Variants in ATRNL1 observed in about 807,000 individuals in gnomAD.
ATRNL1 encodes attractin-like protein 1.
Under a neutral mutation model 182.7 loss-of-function variants are expected in ATRNL1, and 95 were observed. The ratio of observed to expected loss-of-function variants is 0.52; its 90% CI spans 0.44 to 0.62. The LOEUF is 0.62. Among genes scored for constraint, ATRNL1 ranks in the 20% least tolerant of loss-of-function variants. The probability of loss-of-function intolerance (pLI) is 0.00; values close to 1 mark genes in which losing one functional copy is unlikely to be tolerated. For synonymous variants in ATRNL1, 576 were observed against 568.3 expected, an observed-to-expected ratio of 1.01 and a Z score of -0.19; for missense variants, 1,471 against 1,679.5, an observed-to-expected ratio of 0.88 and a Z score of 2.17.
rs1050900587 is a variant in ATRNL1 at position 115,499,368 on chromosome 10, G to A, written c.3655-19895G>A. On this transcript the variant is annotated intron_variant, in intron 24 of 28. Transcript: ENST00000355044. The stretch of plus-strand genomic sequence containing the variant: ...GTTTTCTAGTACAGCTTGACCTTTA[G>A]CTAAAATGAAACTATTTTAAGAGTT... Among the ~76,000 whole-genome samples the A allele has an allele frequency of 5.3e-5, 8 of 152,278 alleles. No homozygotes were observed. In the South Asian group the frequency reaches 1.7e-3, roughly 32 times the overall value.
At chr10:115,852,029 AAATGAT>A (rs1555100658) in intron 28 of ATRNL1, among the ~76,000 whole-genome samples, 1 of 152,216 alleles carries the variant, frequency 6.6e-6, no homozygotes, top group African/African-American at 2.4e-5. Flanking sequence ...CATAAATTGA[AAATGAT>A]AATGATTGCT....
rs374201082 is a variant in ATRNL1 at position 115,812,901 on chromosome 10, C to T, written c.3904-34976C>T. Among the ~76,000 whole-genome samples, 9 of 152,158 alleles carry T rather than the reference C, an allele frequency of 5.9e-5. No homozygotes were observed. In the South Asian group the frequency reaches 1.2e-3, roughly 21 times the overall value. ...TAGAGTAGGTGCCTTTCCCTACTTT[C>T]GCTTCACTGTCCCTAGAATTAATAG... On this transcript the variant is annotated intron_variant, in intron 27 of 28. Coordinates refer to ENST00000355044, the MANE Select transcript of ATRNL1 (RefSeq NM_207303.4).
intron 5 of ATRNL1, among the ~76,000 whole-genome samples, chr10:115,159,761 A>G (rs1846691005): frequency 6.6e-6 from 1 of 151,736 alleles, no homozygotes. Flanking sequence ...GTAGCATACT[A>G]AAATAAATCT....
intron 19 of ATRNL1, among the ~76,000 whole-genome samples, chr10:115,380,718 A>G (rs1345035346): frequency 2.6e-5 from 4 of 152,148 alleles, no homozygotes; most frequent in African/African-American, 9.7e-5. Context: ...ACTAATTTTT[A>G]TTGCCAGACA....
chr10:115,197,740 C>T (rs906257600), intron 8 of ATRNL1, among the ~76,000 whole-genome samples: 2 of 152,064 alleles, frequency 1.3e-5, no homozygotes, highest in Admixed American at 6.6e-5. Context: ...TTGGCTCCCC[C>T]TAAACACAAG....
At chr10:115,394,580 G>T (rs1358500099) in intron 19 of ATRNL1, 79 bp from the exon 20 acceptor site, 5 of 1,091,952 alleles carry the variant, frequency 4.6e-6, no homozygotes, top group Non-Finnish European at 7.0e-6. Flanking sequence ...TAAAAATAAG[G>T]TAATAATAAT....
intron 21 of ATRNL1, among the ~76,000 whole-genome samples, chr10:115,431,518 T>C (rs1554963964): frequency 1.3e-5 from 2 of 152,186 alleles, no homozygotes; most frequent in Non-Finnish European, 2.9e-5. Flanking sequence ...GGTTGCTTAT[T>C]GCTACAGTTC....
At position 115,215,889 on chromosome 10, in the gene ATRNL1, AC is replaced by A; in HGVS notation, c.1532+10del. On this transcript the variant is annotated intron_variant, in intron 9 of 28. Transcript: ENST00000355044. ...GTTAACACTAAGACTTGGTGAGTAC[AC>A]AAAATAACACATTTTCTATGTTGCC... The A allele has an allele frequency of 6.7e-7, 1 of 1,483,758 alleles. No individual in the cohort carries two copies. Among genetic ancestry groups the A allele is most frequent in the Non-Finnish European group, 9.0e-7 (1 of 1,115,078 alleles). The allele number at this position is 1,483,758 out of a possible 1,614,324, so 91.9% of individuals were successfully genotyped here.
chr10:115,109,185 C>G (rs1844153629), intron 1 of ATRNL1, among the ~76,000 whole-genome samples: 1 of 152,096 alleles, frequency 6.6e-6, no homozygotes. Context: ...CTCTCCCAGC[C>G]TCTACTTATT....
At chr10:115,527,084 T>C (rs2133727597) in intron 25 of ATRNL1, among the ~76,000 whole-genome samples, 1 of 151,662 alleles carries the variant, frequency 6.6e-6, no homozygotes, top group African/African-American at 2.4e-5. Flanking sequence ...ACTAGTCAGT[T>C]ATGCTCTCTG....
intron 5 of ATRNL1, among the ~76,000 whole-genome samples, chr10:115,144,581 C>T (rs1455880557): frequency 6.6e-6 from 1 of 152,184 alleles, no homozygotes; most frequent in Non-Finnish European, 1.5e-5. Flanking sequence ...ACGTGAGCCA[C>T]CGTGCCTGGG....
In ATRNL1 at chr10:115,246,051, A is replaced by G. The variant is rs191342028; in HGVS notation, c.1687+4326A>G. Among the ~76,000 whole-genome samples the G allele has an allele frequency of 6.2e-4, 94 of 152,304 alleles. 1 individual carries two copies. The highest frequency in any genetic ancestry group is 3.6e-3 in the Admixed American group (55 of 15,296). ...TTTTTTAAAAAGAGGCCACTAAATA[A>G]AAGAAAAAATAACCTTTTATTTTGA... On this transcript the variant is annotated intron_variant, in intron 10 of 28. Transcript: ENST00000355044.
chr10:115,633,567 T>C (rs1251939408), intron 26 of ATRNL1, among the ~76,000 whole-genome samples: 1 of 152,200 alleles, frequency 6.6e-6, no homozygotes, highest in Non-Finnish European at 1.5e-5. Context: ...CAATCAGTAA[T>C]ACTCATAGTT....
intron 28 of ATRNL1, among the ~76,000 whole-genome samples, chr10:115,891,266 G>A (rs918032928): frequency 5.9e-5 from 9 of 152,152 alleles, no homozygotes; most frequent in Non-Finnish European, 8.8e-5. Flanking sequence ...AGAATGTGGG[G>A]TCAGGAAGCA....
chr10:115,848,006 G>A lies in ATRNL1; in HGVS notation c.4018+15G>A, dbSNP rs199571261. On this transcript the variant is annotated intron_variant, in intron 28 of 28. Transcript: ENST00000355044. ...TGGGCAGTCAGGTATGATAAATGAG[G>A]AGCCTTCAGCAGTTAAGCAAAACTT... 241 of 1,464,524 alleles carry A rather than the reference G, an allele frequency of 1.6e-4. 4 individuals carry two copies. The South Asian group carries it at 2.6e-3, about 16-fold the overall frequency. The allele number at this position is 1,464,524 out of a possible 1,614,324, so 90.7% of individuals were successfully genotyped here.
chr10:115,152,927 G>A (rs1846313356), intron 5 of ATRNL1, among the ~76,000 whole-genome samples: 3 of 152,136 alleles, frequency 2.0e-5, no homozygotes, highest in African/African-American at 7.2e-5. Context: ...TTAGCATGAA[G>A]GGCTGTTGAA....
intron 25 of ATRNL1, among the ~76,000 whole-genome samples, chr10:115,540,401 A>G (rs559099192): frequency 1.3e-5 from 2 of 152,154 alleles, no homozygotes; most frequent in Non-Finnish European, 1.5e-5. Context: ...GAGAATATCA[A>G]CATTATTTAT....
rs1444282188 is a variant in ATRNL1 at position 115,368,001 on chromosome 10, G to A, written c.3176-26658G>A. On this transcript the variant is annotated intron_variant, in intron 19 of 28. Coordinates refer to ENST00000355044, the MANE Select transcript of ATRNL1 (RefSeq NM_207303.4). ...TGTCTGTGCCCTGCCCCCAGAGGTGGAGCCTACAGAGGCAGGCAGGCCTCC... is the reference window on the plus strand; with the variant it reads ...TGTCTGTGCCCTGCCCCCAGAGGTGAAGCCTACAGAGGCAGGCAGGCCTCC... 2.0e-5 allele frequency among the ~76,000 whole-genome samples: 3 copies of A among 152,160 alleles called. No homozygotes were observed. The East Asian group carries it at 5.8e-4, about 30-fold the overall frequency.
chr10:115,919,950 C>T (rs1555118301), intron 28 of ATRNL1, among the ~76,000 whole-genome samples: 1 of 152,156 alleles, frequency 6.6e-6, no homozygotes. Context: ...AAAGGCACCA[C>T]CTACTAATAT....
Sources: allele counts gnomAD v4.1 joint callset (sites outside exome capture counted in the v4.1 genomes callset), GRCh38; gene constraint gnomAD v4.1.1; transcripts MANE v1.5; gene names NCBI Gene and HGNC (gene_info 2026-07-23, HGNC 2026-07-21).